TGFBR2: variants seen among roughly 807,000 people sequenced by gnomAD.
TGFBR2 encodes TGF-beta receptor type-2.
A neutral mutation model predicts 49.0 loss-of-function variants in TGFBR2; 18 were observed. The observed-to-expected ratio is 0.37, with a 90% CI of 0.25 to 0.54. The LOEUF (loss-of-function observed/expected upper bound fraction) is 0.54, where lower values mean the gene tolerates loss of function less well. Among genes scored for constraint, TGFBR2 ranks in the 20% least tolerant of loss-of-function variants. The probability of loss-of-function intolerance (pLI) is 0.85; values close to 1 mark genes in which losing one functional copy is unlikely to be tolerated. For synonymous variants in TGFBR2, 282 were observed against 275.9 expected (o/e 1.02, Z -0.22); for missense variants, 525 against 722.6 (o/e 0.73, Z 3.13).
intron 3 of TGFBR2, among the ~76,000 whole-genome samples, chr3:30,665,393 G>A (rs1699224422): frequency 6.6e-6 from 1 of 152,192 alleles, no homozygotes; most frequent in Non-Finnish European, 1.5e-5. Flanking sequence ...TAAAACGGGG[G>A]TAAGAGAATC....
chr3:30,621,332 G>A (rs1698227240), intron 1 of TGFBR2, among the ~76,000 whole-genome samples: 1 of 146,060 alleles, frequency 6.8e-6, no homozygotes, highest in Non-Finnish European at 1.5e-5. Context: ...CCAGGCTGGA[G>A]TACAATGGCA....
intron 1 of TGFBR2, among the ~76,000 whole-genome samples, chr3:30,607,339 C>G: frequency 6.6e-6 from 1 of 152,298 alleles, no homozygotes. Flanking sequence ...GCAGCCTGAG[C>G]TGCCAAAGCA....
At chr3:30,650,776 A>G (rs1488198224) in intron 3 of TGFBR2, among the ~76,000 whole-genome samples, 3 of 152,174 alleles carry the variant, frequency 2.0e-5, no homozygotes, top group East Asian at 1.9e-4. Flanking sequence ...ATAAATGCAG[A>G]TTCTCAGGCC....
chr3:30,615,283 T>C (rs1228014353), intron 1 of TGFBR2, among the ~76,000 whole-genome samples: 2 of 145,796 alleles, frequency 1.4e-5, no homozygotes, highest in African/African-American at 2.8e-5. Flanking sequence ...TACCCTGGTA[T>C]AGGTCCATCT....
chr3:30,683,523 T>A (rs1699571059), intron 5 of TGFBR2, among the ~76,000 whole-genome samples: 1 of 152,220 alleles, frequency 6.6e-6, no homozygotes, highest in African/African-American at 2.4e-5. Context: ...AGGGAAAAAT[T>A]TTAATCACTT....
intron 3 of TGFBR2, among the ~76,000 whole-genome samples, chr3:30,658,821 A>G (rs1488625790): frequency 6.6e-6 from 1 of 152,182 alleles, no homozygotes; most frequent in Non-Finnish European, 1.5e-5. Context: ...TTAACTTGCT[A>G]GCAGAACATC....
intron 5 of TGFBR2, among the ~76,000 whole-genome samples, 174 bp downstream of exon 5, chr3:30,674,420 T>C (rs1437762522): frequency 1.3e-5 from 2 of 152,254 alleles, no homozygotes; most frequent in Non-Finnish European, 2.9e-5. Flanking sequence ...CCTAGGTTTT[T>C]AAACTGAAAG....
chr3:30,650,362 C>G lies in TGFBR2; in HGVS notation c.356C>G (p.Pro119Arg), dbSNP rs1698857596. Residue 119 changes from proline to arginine, a missense_variant, in exon 3 of 7, where the codon CCA (proline) becomes CGA (arginine). Pro to Arg is a moderately radical substitution (Grantham distance 103). Coordinates refer to ENST00000295754, the MANE Select transcript of TGFBR2 (RefSeq NM_003242.6). ...HDFILEDAAS[P>R]KCIMKEKKKP... The stretch of plus-strand genomic sequence containing the variant: ...TTTATTCTGGAAGATGCTGCTTCTC[C>G]AAAGTGCATTATGAAGGAAAAAAAA... 1 of 1,613,786 alleles carries G rather than the reference C, an allele frequency of 6.2e-7. No homozygotes were observed. Among genetic ancestry groups the G allele is most frequent in the African/African-American group, 1.3e-5 (1 of 74,864 alleles).
chr3:30,638,607 C>A (rs976642709), intron 1 of TGFBR2, among the ~76,000 whole-genome samples: 1 of 152,182 alleles, frequency 6.6e-6, no homozygotes, highest in African/African-American at 2.4e-5. Context: ...ATTAGAAGTT[C>A]CAATTAGAGT....
rs143775631 is a variant in TGFBR2 at position 30,671,753 on chromosome 3, C to T, written c.570C>T (p.Arg190=). ...TCATCATCATCTTCTACTGCTACCG[C>T]GTTAACCGGCAGCAGAAGCTGAGTT... ...ISVIIIFYCY[R]VNRQQKLSST... The change falls in exon 4 of 7, where the codon CGC becomes CGT. Residue 190 remains arginine, a synonymous_variant. Coordinates refer to ENST00000295754, the MANE Select transcript of TGFBR2 (RefSeq NM_003242.6). 1.5e-5 allele frequency: 25 copies of T among 1,614,208 alleles called. No individual in the cohort carries two copies. In the Admixed American group the frequency reaches 2.7e-4, roughly 17 times the overall value.
intron 5 of TGFBR2, among the ~76,000 whole-genome samples, chr3:30,679,520 C>T (rs1699498719): frequency 6.6e-6 from 1 of 152,152 alleles, no homozygotes; most frequent in African/African-American, 2.4e-5. Flanking sequence ...AGATGTGTTG[C>T]AGTTAGGTGA....
chr3:30,629,701 C>G (rs1465785327), intron 1 of TGFBR2, among the ~76,000 whole-genome samples: 1 of 152,110 alleles, frequency 6.6e-6, no homozygotes, highest in African/African-American at 2.4e-5. Context: ...CGTGTGCCAG[C>G]CAATGTTTGA....
chr3:30,671,942 T>C lies in TGFBR2; in HGVS notation c.759T>C (p.Gly253=). 6.2e-7 allele frequency: 1 copy of C among 1,614,116 alleles called. No individual in the cohort carries two copies. Among genetic ancestry groups the C allele is most frequent in the South Asian group, 1.1e-5 (1 of 91,084 alleles). Residue 253 remains glycine (G), a synonymous_variant, in exon 4 of 7, where the codon GGT becomes GGC. Transcript: ENST00000295754. ...PIELDTLVGK[G]RFAEVYKAKL... ...AGCTGGACACCCTGGTGGGGAAAGG[T>C]CGCTTTGCTGAGGTCTATAAGGCCA...
intron 2 of TGFBR2, among the ~76,000 whole-genome samples, chr3:30,647,701 G>A (rs1698770921): frequency 6.6e-6 from 1 of 151,804 alleles, no homozygotes. Flanking sequence ...AATTGAGAGG[G>A]AGTCTCCCAC....
chr3:30,653,387 G>A (rs942230020), intron 3 of TGFBR2, among the ~76,000 whole-genome samples: 4 of 151,572 alleles, frequency 2.6e-5, no homozygotes, highest in African/African-American at 9.7e-5. Context: ...AAGTAGCTGG[G>A]ATTACAGGCA....
chr3:30,625,688 G>A (rs919510474), intron 1 of TGFBR2, among the ~76,000 whole-genome samples: 1 of 152,304 alleles, frequency 6.6e-6, no homozygotes, highest in East Asian at 1.9e-4. Flanking sequence ...TTATGTTTAT[G>A]ATTCCTGCCT....
At chr3:30,606,516 C>A, upstream of TGFBR2, 1 of 258,980 alleles carries the variant, frequency 3.9e-6, no homozygotes, top group Non-Finnish European at 7.4e-6. Flanking sequence ...AGGGAGAAGG[C>A]TCTCGGGCGG....
intron 1 of TGFBR2, among the ~76,000 whole-genome samples, chr3:30,607,836 T>A (rs1248439313): frequency 7.9e-6 from 1 of 126,016 alleles, no homozygotes; most frequent in Admixed American, 7.4e-5. Flanking sequence ...AATATATATA[T>A]AATTATATAT....
intron 1 of TGFBR2, among the ~76,000 whole-genome samples, chr3:30,638,465 T>C (rs1698584686): frequency 6.6e-6 from 1 of 152,210 alleles, no homozygotes; most frequent in African/African-American, 2.4e-5. Context: ...TCTCTAGTAT[T>C]GACCTTGGTA....
Sources: allele counts gnomAD v4.1 joint callset (sites outside exome capture counted in the v4.1 genomes callset), GRCh38; gene constraint gnomAD v4.1.1; transcripts MANE v1.5; gene names NCBI Gene and HGNC (gene_info 2026-07-23, HGNC 2026-07-21).